Variants in SLC39A10 observed in about 807,000 individuals in gnomAD.
SLC39A10 encodes solute carrier family 39 member 10.
In SLC39A10, 13 loss-of-function variants were observed where a neutral mutation model predicts 65.1. The observed-to-expected ratio is 0.20, with a 90% CI of 0.13 to 0.32. The LOEUF is 0.32. Ranked by LOEUF, SLC39A10 falls within the 10% of genes least tolerant of loss-of-function variation. The pLI, the probability that SLC39A10 is intolerant of heterozygous loss-of-function variation, is 1.00. For missense variants in SLC39A10, 831 were observed against 1,018.4 expected, an observed-to-expected ratio of 0.82 and a Z score of 2.50; for synonymous variants, 321 against 342.2, an observed-to-expected ratio of 0.94 and a Z score of 0.68.
At chr2:195,640,101 C>T (rs2105704351) in intron 2 of SLC39A10, among the ~76,000 whole-genome samples, 1 of 152,156 alleles carries the variant, frequency 6.6e-6, no homozygotes, top group African/African-American at 2.4e-5. Context: ...TTTCACATAC[C>T]CTCATTCAAT....
At chr2:195,635,068 C>A (rs1009510434) in intron 2 of SLC39A10, among the ~76,000 whole-genome samples, 20 of 151,894 alleles carry the variant, frequency 1.3e-4, no homozygotes, top group African/African-American at 4.6e-4. Flanking sequence ...CAAAACAAAA[C>A]AAAAAACAAA....
intron 1 of SLC39A10, among the ~76,000 whole-genome samples, chr2:195,664,679 A>C (rs78986399): frequency 0.034 from 5,221 of 152,272 alleles, 146 homozygotes; most frequent in East Asian, 0.13. Context: ...AATTTATAAT[A>C]ATGTGAATGA....
At chr2:195,682,850 T>TA (rs1690377886) in intron 2 of SLC39A10, among the ~76,000 whole-genome samples, 1 of 145,880 alleles carries the variant, frequency 6.9e-6, no homozygotes, top group Non-Finnish European at 1.5e-5. Context: ...TAGAAAAAAA[T>TA]AAAAAATAAA....
chr2:195,710,519 C>G (rs1167572531), intron 5 of SLC39A10, among the ~76,000 whole-genome samples: 1 of 152,050 alleles, frequency 6.6e-6, no homozygotes, highest in East Asian at 1.9e-4. Context: ...TGGAACAGAT[C>G]TCTGAACTGG....
chr2:195,726,738 TCTC>T (rs963966791), intron 8 of SLC39A10, among the ~76,000 whole-genome samples: 13 of 152,148 alleles, frequency 8.5e-5, no homozygotes, highest in African/African-American at 3.1e-4. Context: ...ATTGTTAACT[TCTC>T]CTTGTTATAG....
intron 2 of SLC39A10, among the ~76,000 whole-genome samples, chr2:195,635,568 C>T (rs1033709866): frequency 6.6e-6 from 1 of 152,146 alleles, no homozygotes; most frequent in Non-Finnish European, 1.5e-5. Context: ...TTCACAGGCA[C>T]CATATAAAGT....
At chr2:195,689,473 T>C (rs1388735628) in intron 3 of SLC39A10, among the ~76,000 whole-genome samples, 1 of 152,198 alleles carries the variant, frequency 6.6e-6, no homozygotes, top group Non-Finnish European at 1.5e-5. Flanking sequence ...TTTTTAGCTA[T>C]ATAAATGTTT....
chr2:195,628,598 C>T (rs1378681932), intron 2 of SLC39A10, among the ~76,000 whole-genome samples: 10 of 152,060 alleles, frequency 6.6e-5, no homozygotes, highest in African/African-American at 1.7e-4. Context: ...AACAAATAAT[C>T]GCAAGTAATT....
intron 9 of SLC39A10, 29 bp from the exon 10 acceptor site, chr2:195,734,854 A>G (rs878890097): frequency 6.4e-7 from 1 of 1,571,324 alleles, no homozygotes; most frequent in Non-Finnish European, 8.6e-7. Flanking sequence ...GTATTATACA[A>G]AGTTTAATGT....
chr2:195,658,636 A>T (rs1477953393), intron 1 of SLC39A10: 1 of 152,234 alleles, frequency 6.6e-6, no homozygotes, highest in Non-Finnish European at 1.5e-5. Context: ...CTAACTTAGT[A>T]TGCAATTGAA....
intron 6 of SLC39A10, among the ~76,000 whole-genome samples, chr2:195,713,845 T>C (rs969904797): frequency 1.3e-5 from 2 of 152,100 alleles, no homozygotes; most frequent in African/African-American, 4.8e-5. Flanking sequence ...TCCACTGAGA[T>C]AATACTTGTG....
chr2:195,639,985 G>A (rs1688772503), intron 2 of SLC39A10, among the ~76,000 whole-genome samples: 1 of 152,170 alleles, frequency 6.6e-6, no homozygotes, highest in South Asian at 2.1e-4. Context: ...GTAGAGTCAT[G>A]GATATTTGTT....
chr2:195,642,772 C>G (rs1237951853), intron 2 of SLC39A10, among the ~76,000 whole-genome samples: 1 of 152,092 alleles, frequency 6.6e-6, no homozygotes, highest in Non-Finnish European at 1.5e-5. Context: ...GGAACTGATG[C>G]AAGTGGTGCT....
intron 2 of SLC39A10, among the ~76,000 whole-genome samples, chr2:195,642,020 G>A (rs1369420614): frequency 6.6e-6 from 1 of 152,128 alleles, no homozygotes; most frequent in African/African-American, 2.4e-5. Context: ...GTGAAGTCAC[G>A]AGCAATTAAT....
At chr2:195,708,886 A>C in intron 5 of SLC39A10, 42 bp downstream of exon 5, 2 of 1,434,998 alleles carry the variant, frequency 1.4e-6, no homozygotes, top group Non-Finnish European at 1.9e-6. Flanking sequence ...CATAAAACTC[A>C]AAACAAAAAT....
intron 2 of SLC39A10, among the ~76,000 whole-genome samples, chr2:195,617,036 A>G (rs1002352669): frequency 6.6e-6 from 1 of 152,194 alleles, no homozygotes; most frequent in Non-Finnish European, 1.5e-5. Flanking sequence ...AAACTTACCA[A>G]TATTTTACAT....
At chr2:195,638,210 C>A (rs1203603815) in intron 2 of SLC39A10, among the ~76,000 whole-genome samples, 1 of 152,100 alleles carries the variant, frequency 6.6e-6, no homozygotes, top group African/African-American at 2.4e-5. Context: ...CCAGGCTGAT[C>A]TCAAACTCCT....
chr2:195,729,656 C>G (rs556303986), intron 9 of SLC39A10, among the ~76,000 whole-genome samples: 45 of 152,280 alleles, frequency 3.0e-4, no homozygotes, highest in African/African-American at 9.9e-4. Flanking sequence ...CCATTTCCCC[C>G]CTTCTGCTGG....
chr2:195,616,749 T>TC, intron 2 of SLC39A10, among the ~76,000 whole-genome samples: 1 of 151,082 alleles, frequency 6.6e-6, no homozygotes, highest in South Asian at 2.1e-4. Context: ...GACTACAGGC[T>TC]CCCGCCACCA....
Sources: gnomAD v4.1 joint callset for allele counts (sites outside exome capture counted in the v4.1 genomes callset) on GRCh38, gnomAD v4.1.1 for gene constraint, MANE v1.5 for transcripts, NCBI Gene and HGNC (gene_info 2026-07-23, HGNC 2026-07-21) for gene names.